The following STK39 variants were observed in gnomAD, a reference collection of about 807,000 sequenced individuals.
The protein encoded by STK39 is STE20/SPS1-related proline-alanine-rich protein kinase.
A neutral mutation model predicts 77.8 loss-of-function variants in STK39; 20 were observed. The observed-to-expected ratio is 0.26, with a 90% CI of 0.18 to 0.37. STK39 has a LOEUF of 0.37. Ranked by LOEUF, STK39 falls within the 10% of genes least tolerant of loss-of-function variation. STK39 has a pLI of 1.00. For missense variants in STK39, 479 were observed against 656.5 expected, an observed-to-expected ratio of 0.73 and a Z score of 2.95; for synonymous variants, 246 against 234.1, an observed-to-expected ratio of 1.05 and a Z score of -0.47.
intron 2 of STK39, among the ~76,000 whole-genome samples, chr2:168,173,375 T>C (rs974724403): frequency 7.9e-5 from 12 of 152,134 alleles, no homozygotes; most frequent in Admixed American, 2.0e-4. Flanking sequence ...CTAATCAATA[T>C]TCACAAATAA....
intron 15 of STK39, 128 bp from the exon 16 acceptor site, chr2:168,012,830 CT>C: frequency 1.7e-6 from 1 of 602,562 alleles, no homozygotes; most frequent in Non-Finnish European, 2.6e-6. Flanking sequence ...AATTCAGACT[CT>C]ATCAGGAGAA....
At chr2:168,205,962 G>A (rs1689730748) in intron 1 of STK39, among the ~76,000 whole-genome samples, 1 of 151,974 alleles carries the variant, frequency 6.6e-6, no homozygotes, top group Non-Finnish European at 1.5e-5. Flanking sequence ...CCTTATCTTG[G>A]CAATTAAGGC....
intron 14 of STK39, among the ~76,000 whole-genome samples, chr2:168,035,217 T>A (rs905051601): frequency 2.6e-5 from 4 of 152,212 alleles, no homozygotes; most frequent in Admixed American, 2.6e-4. Context: ...GTGATGGTGC[T>A]CTTGCTTTGC....
At chr2:168,056,563 T>G (rs968352082) in intron 14 of STK39, among the ~76,000 whole-genome samples, 17 of 152,112 alleles carry the variant, frequency 1.1e-4, no homozygotes, top group African/African-American at 3.6e-4. Context: ...CCAGATAGGC[T>G]CGGGGATAAG....
chr2:168,067,295 G>A (rs1310811626), intron 12 of STK39, among the ~76,000 whole-genome samples: 1 of 152,200 alleles, frequency 6.6e-6, no homozygotes, highest in East Asian at 1.9e-4. Flanking sequence ...TCATGGGGAT[G>A]GATCCCTCAT....
intron 10 of STK39, among the ~76,000 whole-genome samples, chr2:168,121,215 T>C (rs532113612): frequency 6.6e-6 from 1 of 152,238 alleles, no homozygotes; most frequent in Non-Finnish European, 1.5e-5. Flanking sequence ...TCCTGCTTAT[T>C]TGGCCATGTG....
chr2:168,221,680 G>T (rs1437976304), intron 1 of STK39, among the ~76,000 whole-genome samples: 1 of 152,120 alleles, frequency 6.6e-6, no homozygotes, highest in Non-Finnish European at 1.5e-5. Context: ...TTACCTCAAA[G>T]GGTATAATCA....
chr2:168,117,812 G>C (rs1303392708), intron 10 of STK39, among the ~76,000 whole-genome samples: 2 of 152,116 alleles, frequency 1.3e-5, no homozygotes, highest in Non-Finnish European at 2.9e-5. Context: ...ACCCTGGAGT[G>C]ATCCCTTACC....
At chr2:168,151,179 G>A (rs1688271648) in intron 5 of STK39, among the ~76,000 whole-genome samples, 1 of 152,132 alleles carries the variant, frequency 6.6e-6, no homozygotes, top group African/African-American at 2.4e-5. Context: ...ATTAATGAGG[G>A]AGCAGTAGTC....
intron 1 of STK39, among the ~76,000 whole-genome samples, chr2:168,220,640 T>C (rs1690144709): frequency 6.6e-6 from 1 of 152,176 alleles, no homozygotes; most frequent in Non-Finnish European, 1.5e-5. Flanking sequence ...AGGCAAGTCA[T>C]TTCAATTGCA....
At chr2:168,051,033 T>G (rs1685381990) in intron 14 of STK39, among the ~76,000 whole-genome samples, 1 of 152,212 alleles carries the variant, frequency 6.6e-6, no homozygotes, top group Admixed American at 6.5e-5. Context: ...TGAAATATAC[T>G]TGTTACCTTT....
intron 5 of STK39, among the ~76,000 whole-genome samples, chr2:168,157,056 C>T (rs1204552164): frequency 6.6e-6 from 1 of 152,194 alleles, no homozygotes; most frequent in African/African-American, 2.4e-5. Flanking sequence ...TGCCCATCTT[C>T]CTCTAGCTCC....
intron 1 of STK39, among the ~76,000 whole-genome samples, chr2:168,238,150 T>C (rs1690668064): frequency 6.6e-6 from 1 of 151,972 alleles, no homozygotes. Flanking sequence ...AACAAAATCA[T>C]TACTTCTTCT....
In STK39 at chr2:168,140,242, G is replaced by A. The variant is rs201520659; in HGVS notation, c.840+47C>T. 2.0e-5 allele frequency: 29 copies of A among 1,449,408 alleles called. No homozygotes were observed. The South Asian group carries it at 2.0e-4, about 10-fold the overall frequency. 89.8% of individuals were successfully genotyped at this position (1,449,408 alleles called of 1,614,324 possible). On this transcript the variant is annotated intron_variant, in intron 7 of 17. Transcript: ENST00000355999. Reference sequence around the variant, plus strand: ...TGAAGAGAATTAGAAAACAGATTCCGTCCAATCACATTTCAACCCCGATGT... The same window carrying A: ...TGAAGAGAATTAGAAAACAGATTCCATCCAATCACATTTCAACCCCGATGT...
At chr2:168,102,361 A>G (rs1466566701) in intron 10 of STK39, among the ~76,000 whole-genome samples, 1 of 152,170 alleles carries the variant, frequency 6.6e-6, no homozygotes, top group Non-Finnish European at 1.5e-5. Context: ...GGTATGAGGT[A>G]GTATCCTGTT....
intron 1 of STK39, among the ~76,000 whole-genome samples, chr2:168,189,585 T>C (rs1266886873): frequency 6.6e-6 from 1 of 152,188 alleles, no homozygotes; most frequent in Non-Finnish European, 1.5e-5. Context: ...AGCCACCAGA[T>C]GAGTTGCATG....
intron 10 of STK39, among the ~76,000 whole-genome samples, chr2:168,127,441 A>T (rs1279405433): frequency 6.6e-6 from 1 of 152,070 alleles, no homozygotes; most frequent in Non-Finnish European, 1.5e-5. Context: ...GAGCCACCAC[A>T]CCCGGCCAAG....
intron 12 of STK39, among the ~76,000 whole-genome samples, chr2:168,065,917 C>G (rs1246753795): frequency 6.6e-6 from 1 of 152,128 alleles, no homozygotes; most frequent in African/African-American, 2.4e-5. Context: ...TTATACTCCT[C>G]TCTCAAAGTT....
intron 14 of STK39, among the ~76,000 whole-genome samples, chr2:168,020,318 A>C (rs2105325076): frequency 1.3e-5 from 2 of 152,236 alleles, no homozygotes; most frequent in East Asian, 3.9e-4. Context: ...CCATTGCTTC[A>C]CAGTTTTGTA....
Sources: allele counts gnomAD v4.1 joint callset (sites outside exome capture counted in the v4.1 genomes callset), GRCh38; gene constraint gnomAD v4.1.1; transcripts MANE v1.5; gene names NCBI Gene and HGNC (gene_info 2026-07-23, HGNC 2026-07-21).